Variants in CLCA2 observed in about 807,000 individuals in gnomAD.
CLCA2 encodes chloride channel accessory 2.
In CLCA2, 85 loss-of-function variants were observed where a neutral mutation model predicts 82.9. That is an observed-to-expected ratio of 1.03 (90% CI 0.86 to 1.23). CLCA2 has a LOEUF of 1.23. Ranked by LOEUF, CLCA2 falls within the 50% of genes most tolerant of loss-of-function variation. CLCA2 has a pLI of 0.00. For missense variants in CLCA2, 1,089 were observed against 1,124.8 expected (o/e 0.97, Z 0.45); for synonymous variants, 421 against 391.7 (o/e 1.07, Z -0.88).
chr1:86,446,890 T>C (rs1213411838), intron 10 of CLCA2, among the ~76,000 whole-genome samples: 1 of 152,236 alleles, frequency 6.6e-6, no homozygotes, highest in Admixed American at 6.5e-5. Flanking sequence ...GAGTAGTGTT[T>C]AGCAGTATTT....
intron 11 of CLCA2, 104 bp from the exon 12 acceptor site, chr1:86,450,459 C>A: frequency 5.8e-6 from 5 of 857,132 alleles, no homozygotes; most frequent in Non-Finnish European, 8.6e-6. Context: ...GATAATATAT[C>A]TTATATAGAA....
At chr1:86,428,798 A>C (rs777861438) in intron 3 of CLCA2, among the ~76,000 whole-genome samples, 3 of 152,226 alleles carry the variant, frequency 2.0e-5, no homozygotes, top group African/African-American at 7.2e-5. Context: ...TCAATCAAGG[A>C]AACGTCATTT....
At chr1:86,447,822 G>T (rs1383766125) in intron 11 of CLCA2, 44 bp downstream of exon 11, 3 of 1,575,890 alleles carry the variant, frequency 1.9e-6, no homozygotes, top group Non-Finnish European at 2.6e-6. Flanking sequence ...CTCAACAGCT[G>T]TTGTGATATG....
chr1:86,441,813 C>A (rs1364984517), intron 9 of CLCA2, among the ~76,000 whole-genome samples: 2 of 152,168 alleles, frequency 1.3e-5, no homozygotes, highest in East Asian at 3.8e-4. Flanking sequence ...GGGGGTGTGG[C>A]AGAGGCAAGG....
chr1:86,442,798 C>T (rs566977554), intron 9 of CLCA2, among the ~76,000 whole-genome samples: 2 of 152,292 alleles, frequency 1.3e-5, no homozygotes, highest in East Asian at 3.9e-4. Flanking sequence ...GTCAGGCCCA[C>T]TGGGTTTTAT....
At chr1:86,452,046 G>C (rs964542999) in intron 12 of CLCA2, among the ~76,000 whole-genome samples, 51 of 151,972 alleles carry the variant, frequency 3.4e-4, no homozygotes, top group African/African-American at 1.2e-3. Context: ...TTAAAATCCA[G>C]ATCTAAATGG....
intron 5 of CLCA2, among the ~76,000 whole-genome samples, chr1:86,433,405 T>C (rs1234809330): frequency 2.0e-5 from 3 of 152,246 alleles, no homozygotes; most frequent in Non-Finnish European, 4.4e-5. Context: ...CATGCTATTT[T>C]ATTTCATTCT....
At chr1:86,433,800 G>C (rs1268828189) in intron 5 of CLCA2, among the ~76,000 whole-genome samples, 1 of 152,122 alleles carries the variant, frequency 6.6e-6, no homozygotes, top group East Asian at 1.9e-4. Flanking sequence ...CTATTCAGTT[G>C]CTTCTAACTC....
At chr1:86,452,615 G>A (rs112010470) in intron 12 of CLCA2, among the ~76,000 whole-genome samples, 2,409 of 152,142 alleles carry the variant, frequency 0.016, 71 homozygotes, top group African/African-American at 0.055. Flanking sequence ...AGGGTTTGCT[G>A]TTCCCTCTAC....
At chr1:86,453,266 A>G (rs1663009735) in intron 12 of CLCA2, 103 bp from the exon 13 acceptor site, 2 of 723,848 alleles carry the variant, frequency 2.8e-6, no homozygotes, top group South Asian at 3.7e-5. Flanking sequence ...CTAGAGATGT[A>G]GTAAAGAAAA....
At position 86,455,070 on chromosome 1, in the gene CLCA2, A is replaced by C; in HGVS notation, c.2390-15A>C. 1 of 1,426,330 alleles carries C rather than the reference A, an allele frequency of 7.0e-7. No homozygotes were observed. Among genetic ancestry groups the C allele is most frequent in the South Asian group, 1.5e-5 (1 of 66,950 alleles). The allele number at this position is 1,426,330 out of a possible 1,614,324, so 88.4% of individuals were successfully genotyped here. ...AAAGTGACTTAATTTTCCTATTTAT[A>C]TTTTTTAATTTCAGCTACAAGCTAT... On this transcript the variant is annotated splice_polypyrimidine_tract_variant and intron_variant, in intron 13 of 13. Transcript: ENST00000370565.
At chr1:86,447,946 G>A (rs1446194815) in intron 11 of CLCA2, among the ~76,000 whole-genome samples, 168 bp downstream of exon 11, 1 of 152,100 alleles carries the variant, frequency 6.6e-6, no homozygotes, top group African/African-American at 2.4e-5. Context: ...AATAGCTACA[G>A]GTTAACATGG....
chr1:86,452,590 C>A (rs1239263220), intron 12 of CLCA2, among the ~76,000 whole-genome samples: 5 of 152,094 alleles, frequency 3.3e-5, no homozygotes, highest in Admixed American at 3.3e-4. Context: ...TAACTTGAAA[C>A]CTCTTTTTCA....
rs757494153 is a variant in CLCA2, at chr1:86,447,752, C to G, written c.1958C>G (p.Thr653Arg). The stretch of plus-strand genomic sequence containing the variant: ...GAGCCAGAGACTGGAGATCCTGTTA[C>G]GCTGAGACTCCTTGATGATGGAGCA... The part of the protein sequence containing the change: ...TVEPETGDPV[T>R]LRLLDDGAGA... The change falls in exon 11 of 14, where the codon ACG becomes AGG. Residue 653 changes from threonine (T) to arginine (R), a missense_variant. Coordinates refer to ENST00000370565, the MANE Select transcript of CLCA2 (RefSeq NM_006536.7). 19 of 1,613,268 alleles carry G rather than the reference C, an allele frequency of 1.2e-5. No homozygotes were observed. The highest frequency in any genetic ancestry group is 4.0e-5 in the African/African-American group (3 of 74,910).
intron 13 of CLCA2, among the ~76,000 whole-genome samples, chr1:86,454,470 T>C (rs1301898384): frequency 6.6e-6 from 1 of 152,144 alleles, no homozygotes; most frequent in East Asian, 1.9e-4. Context: ...CTTGACTAGA[T>C]AAAGCAGAAA....
rs750690143 is a variant in CLCA2, at chr1:86,425,459, C to T, written c.307C>T (p.Gln103Ter). Reference sequence around the variant, plus strand: ...AGCTAATAATAACAGCAAAATAAAACAAGAATCATATGAAAAGGTAAGAAT... The same window carrying T: ...AGCTAATAATAACAGCAAAATAAAATAAGAATCATATGAAAAGGTAAGAAT... ...WKANNNSKIK[Q>*]ESYEKANVIV... is the part of the protein sequence containing the mutation. The change falls in exon 2 of 14, where the codon CAA (glutamine) becomes TAA (stop). Residue 103 changes from glutamine to a stop codon, truncating the protein, a stop_gained. Coordinates refer to ENST00000370565, the MANE Select transcript of CLCA2 (RefSeq NM_006536.7). LOFTEE classifies it high-confidence loss of function. The T allele has an allele frequency of 6.5e-7, 1 of 1,541,316 alleles. No homozygotes were observed. The highest frequency in any genetic ancestry group is 8.7e-7 in the Non-Finnish European group (1 of 1,143,152).
chr1:86,434,682 G>T lies in CLCA2; in HGVS notation c.909G>T (p.Ser303=). 6.2e-7 allele frequency: 1 copy of T among 1,614,074 alleles called. No homozygotes were observed. Among genetic ancestry groups the T allele is most frequent in the African/African-American group, 1.3e-5 (1 of 75,014 alleles). The change falls in exon 6 of 14, where the codon TCG becomes TCT. Residue 303 remains serine, a synonymous_variant. Transcript: ENST00000370565. ...AGCTTCCACCTCCTCCCACATTCTCGCTTGTACAGGCTGGTGACAAAGTGG... is the reference window on the plus strand; with the variant it reads ...AGCTTCCACCTCCTCCCACATTCTCTCTTGTACAGGCTGGTGACAAAGTGG... ...GTELPPPPTF[S]LVQAGDKVVC...
chr1:86,455,647 A>G lies in CLCA2; in HGVS notation c.*120A>G. 1 of 577,492 alleles carries G rather than the reference A, an allele frequency of 1.7e-6. No homozygotes were observed. The highest frequency in any genetic ancestry group is 6.7e-5 in the South Asian group (1 of 15,026). The allele number at this position is 577,492 out of a possible 1,614,324, so 35.8% of individuals were successfully genotyped here. A position where few individuals can be genotyped will look rare whatever the true frequency, so the allele number is the denominator to read the frequency against. ...ATTAAAATGCATTGAGTTTTTGTAC[A>G]ATACAGATAAGATTTTTACATGGTA... On this transcript the variant is annotated 3_prime_UTR_variant, in exon 14 of 14. Transcript: ENST00000370565.
Position 86,435,995 on chromosome 1 carries a change from C to T in CLCA2, c.972+1250C>T, listed in dbSNP as rs1027285477. On this transcript the variant is annotated intron_variant, in intron 6 of 13. Transcript: ENST00000370565. ...GTATATGAAATTCAAATTTCAGTGCCCACAAATAATAATTTTATTGGAATA... is the reference window on the plus strand; with the variant it reads ...GTATATGAAATTCAAATTTCAGTGCTCACAAATAATAATTTTATTGGAATA... 7.9e-5 allele frequency among the ~76,000 whole-genome samples: 12 copies of T among 151,818 alleles called. No homozygotes were observed. In the East Asian group the frequency reaches 2.3e-3, roughly 29 times the overall value.
Sources: gnomAD v4.1 joint callset for allele counts (sites outside exome capture counted in the v4.1 genomes callset) on GRCh38, gnomAD v4.1.1 for gene constraint, MANE v1.5 for transcripts, NCBI Gene and HGNC (gene_info 2026-07-23, HGNC 2026-07-21) for gene names.